The following ANKRD45 variants were observed in gnomAD, a reference collection of about 807,000 sequenced individuals.
ANKRD45 encodes ankyrin repeat domain-containing protein 45.
Under a neutral mutation model 28.1 loss-of-function variants are expected in ANKRD45, and 21 were observed. The ratio of observed to expected loss-of-function variants is 0.75; its 90% CI spans 0.53 to 1.08. The LOEUF (loss-of-function observed/expected upper bound fraction) is 1.08, where lower values mean the gene tolerates loss of function less well. ANKRD45 is among the 50% of genes least tolerant of loss of function. The pLI is 0.00. For synonymous variants in ANKRD45, 86 were observed against 103.9 expected (o/e 0.83, Z 1.05); for missense variants, 261 against 308.7 (o/e 0.85, Z 1.16).
chr1:173,621,549 C>CA (rs1310663291), intron 5 of ANKRD45, among the ~76,000 whole-genome samples: 2 of 152,042 alleles, frequency 1.3e-5, no homozygotes, highest in African/African-American at 4.8e-5. Flanking sequence ...GAACTAAAGA[C>CA]AAAAACCACA....
chr1:173,697,425 G>A, the ANKRD45 span, among the ~76,000 whole-genome samples: 2 of 152,280 alleles, frequency 1.3e-5, no homozygotes, highest in Middle Eastern at 6.8e-3. Flanking sequence ...GAAAGGTTGG[G>A]TTACCCACAA....
At chr1:173,656,653 G>T (rs1669530078) in intron 2 of ANKRD45, among the ~76,000 whole-genome samples, 5 of 152,068 alleles carry the variant, frequency 3.3e-5, no homozygotes, top group Admixed American at 3.3e-4. Context: ...TTAACAATCA[G>T]TTCTTCAGAG....
At chr1:173,622,208 ATAT>A (rs1667736609) in intron 5 of ANKRD45, among the ~76,000 whole-genome samples, 1 of 152,200 alleles carries the variant, frequency 6.6e-6, no homozygotes, top group Admixed American at 6.5e-5. Context: ...GGAAGAACTA[ATAT>A]TATGAAATGA....
At chr1:173,688,589 T>C in the ANKRD45 span, among the ~76,000 whole-genome samples, 9 of 149,264 alleles carry the variant, frequency 6.0e-5, no homozygotes, top group East Asian at 9.9e-4. Flanking sequence ...GCTTCCTCTC[T>C]CTCTCTCTGC....
At chr1:173,709,708 T>G in the ANKRD45 span, among the ~76,000 whole-genome samples, 6 of 152,006 alleles carry the variant, frequency 3.9e-5, no homozygotes, top group African/African-American at 1.4e-4. Context: ...CACAGCTCAC[T>G]GCAGCTTCAA....
intron 2 of ANKRD45, among the ~76,000 whole-genome samples, chr1:173,654,644 G>A (rs189108522): frequency 4.6e-5 from 7 of 152,286 alleles, no homozygotes; most frequent in African/African-American, 1.7e-4. Context: ...ATGTTGGCCT[G>A]CCTTGCTAGG....
the ANKRD45 span, among the ~76,000 whole-genome samples, chr1:173,679,004 C>A: frequency 6.6e-6 from 1 of 152,072 alleles, no homozygotes; most frequent in Non-Finnish European, 1.5e-5. Context: ...GTGTGAAGGA[C>A]CTCTTCAAGG....
the ANKRD45 span, among the ~76,000 whole-genome samples, chr1:173,713,289 CA>C: frequency 2.0e-5 from 3 of 152,158 alleles, no homozygotes; most frequent in Non-Finnish European, 4.4e-5. Flanking sequence ...AAAATTATAG[CA>C]GTGGAGGAGA....
intron 3 of ANKRD45, among the ~76,000 whole-genome samples, chr1:173,634,558 C>T (rs1321074782): frequency 6.6e-6 from 1 of 151,922 alleles, no homozygotes; most frequent in Non-Finnish European, 1.5e-5. Flanking sequence ...AAATTCTACT[C>T]ATTCTTCAAA....
chr1:173,659,411 G>T lies in ANKRD45; in HGVS notation c.8C>A (p.Ser3Ter). 6.5e-7 allele frequency: 1 copy of T among 1,549,994 alleles called. No homozygotes were observed. Among genetic ancestry groups the T allele is most frequent in the South Asian group, 1.3e-5 (1 of 79,880 alleles). ME[S>*]EGPPESESSE... ...ACTCTCTGACTCTGGAGGTCCTTCT[G>T]ACTCCATTAACTCCAAAAATACCTA... Residue 3 changes from serine (S) to a stop codon, truncating the protein, a stop_gained, in exon 2 of 6, where the codon TCA (serine) becomes TAA (stop). Transcript: ENST00000333279. LOFTEE classifies it high-confidence loss of function.
intron 5 of ANKRD45, among the ~76,000 whole-genome samples, chr1:173,612,292 G>A (rs945535332): frequency 1.7e-5 from 2 of 117,966 alleles, no homozygotes; most frequent in African/African-American, 6.2e-5. Flanking sequence ...AGGAAAGAAG[G>A]AAAGAAGGAA....
At chr1:173,630,047 A>G (rs970603136) in intron 3 of ANKRD45, among the ~76,000 whole-genome samples, 9 of 152,236 alleles carry the variant, frequency 5.9e-5, no homozygotes, top group African/African-American at 1.2e-4. Flanking sequence ...CTTTTACCCT[A>G]GAACAGTGTA....
intron 2 of ANKRD45, chr1:173,657,936 G>A (rs1308036135): frequency 6.6e-6 from 1 of 151,282 alleles, no homozygotes; most frequent in Non-Finnish European, 1.5e-5. Context: ...TTTAATTTTA[G>A]TTGTATCCCA....
At chr1:173,662,026 G>C (rs1174744299) in intron 1 of ANKRD45, among the ~76,000 whole-genome samples, 3 of 152,164 alleles carry the variant, frequency 2.0e-5, no homozygotes, top group Non-Finnish European at 4.4e-5. Context: ...TTCCAAAGCA[G>C]GGGTAAAAGG....
At chr1:173,699,514 CCA>C in the ANKRD45 span, among the ~76,000 whole-genome samples, 1 of 152,108 alleles carries the variant, frequency 6.6e-6, no homozygotes, top group Non-Finnish European at 1.5e-5. Context: ...AAGGCTGGTT[CCA>C]CATACACAAA....
At chr1:173,688,415 T>C in the ANKRD45 span, among the ~76,000 whole-genome samples, 1 of 147,906 alleles carries the variant, frequency 6.8e-6, no homozygotes, top group Non-Finnish European at 1.5e-5. Context: ...CCTCTTCCTC[T>C]CTCTCTGCCT....
intron 3 of ANKRD45, among the ~76,000 whole-genome samples, chr1:173,640,478 G>A (rs1252402756): frequency 6.6e-6 from 1 of 151,956 alleles, no homozygotes; most frequent in Non-Finnish European, 1.5e-5. Flanking sequence ...AGAATCATGG[G>A]TTGCTGTACC....
At chr1:173,613,968 C>T (rs932396655) in intron 5 of ANKRD45, among the ~76,000 whole-genome samples, 2 of 152,196 alleles carry the variant, frequency 1.3e-5, no homozygotes, top group Admixed American at 1.3e-4. Context: ...TATGACCTTA[C>T]CCCCAACCCT....
At chr1:173,704,356 G>A in the ANKRD45 span, among the ~76,000 whole-genome samples, 1 of 152,178 alleles carries the variant, frequency 6.6e-6, no homozygotes, top group Non-Finnish European at 1.5e-5. Context: ...ATTAAGTCCT[G>A]GACCTAGCCC....
Sources: allele counts gnomAD v4.1 joint callset (sites outside exome capture counted in the v4.1 genomes callset), GRCh38; gene constraint gnomAD v4.1.1; transcripts MANE v1.5; gene names NCBI Gene and HGNC (gene_info 2026-07-23, HGNC 2026-07-21).